Variants in CYP3A43 observed in about 807,000 individuals in gnomAD.
CYP3A43 encodes the protein cytochrome P450 3A43.
In CYP3A43, 45 loss-of-function variants were observed where a neutral mutation model predicts 58.0. The observed-to-expected ratio is 0.78, with a 90% CI of 0.61 to 0.99. CYP3A43 has a LOEUF of 0.99. Ranked by LOEUF, CYP3A43 falls within the 50% of genes least tolerant of loss-of-function variation. The pLI is 0.00. For synonymous variants in CYP3A43, 191 were observed against 201.4 expected (o/e 0.95, Z 0.44); for missense variants, 593 against 591.9 (o/e 1.00, Z -0.02).
intron 4 of CYP3A43, among the ~76,000 whole-genome samples, chr7:99,847,123 C>T (rs1817567260): frequency 1.3e-5 from 2 of 152,126 alleles, no homozygotes; most frequent in Non-Finnish European, 2.9e-5. Flanking sequence ...AGGCGACCTG[C>T]CTATCTGTCA....
chr7:99,833,790 T>G (rs780906436), intron 1 of CYP3A43, among the ~76,000 whole-genome samples: 5 of 152,236 alleles, frequency 3.3e-5, no homozygotes, highest in African/African-American at 4.8e-5. Context: ...ATGCCACAAC[T>G]GTGCGGTAGC....
intron 10 of CYP3A43, among the ~76,000 whole-genome samples, chr7:99,860,811 G>A: frequency 6.6e-6 from 1 of 152,030 alleles, no homozygotes; most frequent in Non-Finnish European, 1.5e-5. Context: ...TGTCATATTT[G>A]GGTTACAAAA....
At chr7:99,839,395 CAAA>C in intron 3 of CYP3A43, 1 of 700,134 alleles carries the variant, frequency 1.4e-6, no homozygotes, top group Non-Finnish European at 2.6e-6. Flanking sequence ...AGTATGTGAA[CAAA>C]AATAAAATCT....
intron 7 of CYP3A43, 169 bp from the exon 8 acceptor site, chr7:99,855,422 T>A: frequency 1.2e-6 from 1 of 813,658 alleles, no homozygotes; most frequent in Non-Finnish European, 1.8e-6. Flanking sequence ...GCCATTGGCA[T>A]GGAAGAGGGG....
intron 3 of CYP3A43, among the ~76,000 whole-genome samples, chr7:99,843,221 C>G (rs1817409728): frequency 6.6e-6 from 1 of 152,062 alleles, no homozygotes; most frequent in Non-Finnish European, 1.5e-5. Context: ...CCTACACACT[C>G]TCCTTCTTCT....
intron 1 of CYP3A43, among the ~76,000 whole-genome samples, chr7:99,830,360 A>G (rs1420936323): frequency 2.0e-5 from 3 of 152,058 alleles, no homozygotes; most frequent in African/African-American, 4.8e-5. Flanking sequence ...TCTACTAAAT[A>G]TACAAAAATT....
intron 3 of CYP3A43, among the ~76,000 whole-genome samples, chr7:99,839,937 T>A (rs1182567889): frequency 2.0e-5 from 3 of 152,344 alleles, no homozygotes; most frequent in Middle Eastern, 3.4e-3. Flanking sequence ...GTTCTCTTCC[T>A]GGCTGGCACC....
rs780446426 is a variant in CYP3A43, at chr7:99,861,772, G to C, written c.1186G>C (p.Val396Leu). The C allele has an allele frequency of 1.1e-5, 17 of 1,613,966 alleles. No homozygotes were observed. The highest frequency in any genetic ancestry group is 4.5e-5 in the East Asian group (2 of 44,896). The change falls in exon 11 of 13, where the codon GTT becomes CTT. Residue 396 changes from valine to leucine, a missense_variant. Transcript: ENST00000354829. ...CATTCCCAAAGGGTTAGCAGTGATGGTTCCAATCTATGCTCTTCACCATGA... is the reference window on the plus strand; with the variant it reads ...CATTCCCAAAGGGTTAGCAGTGATGCTTCCAATCTATGCTCTTCACCATGA... ...VFIPKGLAVM[V>L]PIYALHHDPK... is the part of the protein sequence containing the mutation.
chr7:99,828,163 T>C lies in CYP3A43; in HGVS notation c.48T>C (p.Ala16=), dbSNP rs553497612. 5.0e-6 allele frequency: 8 copies of C among 1,612,980 alleles called. No individual in the cohort carries two copies. The African/African-American group carries it at 9.3e-5, about 19-fold the overall frequency. The stretch of plus-strand genomic sequence containing the variant: ...CCATGGAAACATGGGTTCTTGTGGC[T>C]ACCAGCCTGGTACTCCTCTATATGT... ...NFAMETWVLV[A]TSLVLLYIYG... is the part of the protein sequence containing the mutation. Residue 16 remains alanine (A), a synonymous_variant, in exon 1 of 13, where the codon GCT becomes GCC. Coordinates refer to ENST00000354829, the MANE Select transcript of CYP3A43 (RefSeq NM_057095.3).
intron 7 of CYP3A43, among the ~76,000 whole-genome samples, chr7:99,854,131 C>G (rs978371398): frequency 6.6e-6 from 1 of 151,966 alleles, no homozygotes; most frequent in African/African-American, 2.4e-5. Context: ...TTTTTTGTAA[C>G]CTTTTATTAT....
At chr7:99,859,333 G>A (rs538752811) in intron 9 of CYP3A43, among the ~76,000 whole-genome samples, 62 of 152,268 alleles carry the variant, frequency 4.1e-4, no homozygotes, top group African/African-American at 6.5e-4. Context: ...TTGGGTTCCC[G>A]CAAACATGCT....
intron 9 of CYP3A43, among the ~76,000 whole-genome samples, 155 bp from the exon 10 acceptor site, chr7:99,859,675 T>G (rs993079203): frequency 1.3e-5 from 2 of 152,230 alleles, no homozygotes; most frequent in African/African-American, 4.8e-5. Flanking sequence ...CTCTGTAGGA[T>G]ACACATCAGA....
At chr7:99,841,173 G>T (rs1197563005) in intron 3 of CYP3A43, among the ~76,000 whole-genome samples, 3 of 152,144 alleles carry the variant, frequency 2.0e-5, no homozygotes, top group African/African-American at 7.2e-5. Context: ...AAGGTTTATT[G>T]TCAGCTAGCT....
chr7:99,837,306 G>A (rs1189126890), intron 2 of CYP3A43, among the ~76,000 whole-genome samples: 1 of 133,076 alleles, frequency 7.5e-6, no homozygotes, highest in Admixed American at 7.8e-5. Context: ...GTGAAAGAGC[G>A]AGACTGTGTC....
chr7:99,847,986 G>A (rs1425335097), intron 5 of CYP3A43, 180 bp from the exon 6 acceptor site: 7 of 644,626 alleles, frequency 1.1e-5, no homozygotes, highest in African/African-American at 9.2e-5. Flanking sequence ...ACTCCAGCCT[G>A]GGCAACAAGA....
At chr7:99,856,960 T>C (rs1818006725) in intron 9 of CYP3A43, 61 bp downstream of exon 9, 2 of 1,540,536 alleles carry the variant, frequency 1.3e-6, no homozygotes, top group South Asian at 1.2e-5. Flanking sequence ...GGCCCTGTTC[T>C]GAAAATGTGC....
intron 9 of CYP3A43, among the ~76,000 whole-genome samples, chr7:99,857,112 G>A (rs1271672408): frequency 6.6e-6 from 1 of 152,192 alleles, no homozygotes. Flanking sequence ...CCCTGAACAA[G>A]TGTGGCACTC....
chr7:99,849,635 T>C lies in CYP3A43; in HGVS notation c.611T>C (p.Leu204Pro). The change falls in exon 7 of 13, where the codon CTG becomes CCG. Residue 204 changes from leucine to proline, a missense_variant. Coordinates refer to ENST00000354829, the MANE Select transcript of CYP3A43 (RefSeq NM_057095.3). ...CTCAACAATCCACAAGATCCCTTTC[T>C]GAAAAATATGAAGAAGCTTTTAAAA... ...DSLNNPQDPF[L>P]KNMKKLLKLD... 1.9e-6 allele frequency: 3 copies of C among 1,612,512 alleles called. No homozygotes were observed. Among genetic ancestry groups the C allele is most frequent in the Admixed American group, 1.7e-5 (1 of 59,658 alleles).
chr7:99,837,988 T>A (rs1166716009), intron 2 of CYP3A43, among the ~76,000 whole-genome samples: 1 of 152,228 alleles, frequency 6.6e-6, no homozygotes, highest in Non-Finnish European at 1.5e-5. Context: ...AATTTCATCC[T>A]TTTTTACCCC....
Sources: gnomAD v4.1 joint callset for allele counts (sites outside exome capture counted in the v4.1 genomes callset) on GRCh38, gnomAD v4.1.1 for gene constraint, MANE v1.5 for transcripts, NCBI Gene and HGNC (gene_info 2026-07-23, HGNC 2026-07-21) for gene names.